Variants in PARP15 observed in about 807,000 individuals in gnomAD.
PARP15 encodes the protein protein mono-ADP-ribosyltransferase PARP15.
Under a neutral mutation model 62.1 loss-of-function variants are expected in PARP15, and 50 were observed. The observed-to-expected ratio is 0.81, with a 90% CI of 0.64 to 1.02. PARP15 has a LOEUF of 1.02. Among genes scored for constraint, PARP15 ranks in the 50% least tolerant of loss-of-function variants. PARP15 has a pLI of 0.00. For missense variants in PARP15, 820 were observed against 826.5 expected (o/e 0.99, Z 0.10); for synonymous variants, 309 against 293.1 (o/e 1.05, Z -0.55).
At chr3:122,579,999 G>GTATATATATATATATGTATATA (rs2080766891) in intron 1 of PARP15, among the ~76,000 whole-genome samples, 1 of 64,476 alleles carries the variant, frequency 1.6e-5, no homozygotes, top group Non-Finnish European at 3.3e-5. Context: ...GCAACTATAT[G>GTATATATATATATATGTATATA]TATATATATA....
chr3:122,577,871 C>G lies in PARP15; in HGVS notation c.186+18C>G, dbSNP rs1307714389. On this transcript the variant is annotated intron_variant, in intron 1 of 11. Coordinates refer to ENST00000464300, the MANE Select transcript of PARP15 (RefSeq NM_001113523.3). ...GGAGTATGGTGAGGAGCGCGGGGGA[C>G]GGGTGCGGGAAGGGGACAGCAGGGC... The G allele has an allele frequency of 1.3e-6, 2 of 1,530,074 alleles. No homozygotes were observed. The allele number at this position is 1,530,074 out of a possible 1,614,324, so 94.8% of individuals were successfully genotyped here. A position where few individuals can be genotyped will look rare whatever the true frequency, so the allele number is the denominator to read the frequency against.
In PARP15 at chr3:122,615,458, T is replaced by C. The variant is rs983865403; in HGVS notation, c.772-321T>C. On this transcript the variant is annotated intron_variant, in intron 4 of 11. Transcript: ENST00000464300. ...TATTGGATGTAGGAGATTAGAATTATGGGGCTTCAAAAGAGGAGGGATAAC... is the reference window on the plus strand; with the variant it reads ...TATTGGATGTAGGAGATTAGAATTACGGGGCTTCAAAAGAGGAGGGATAAC... The C allele has an allele frequency of 4.8e-6, 6 of 1,242,632 alleles. No homozygotes were observed. In the Admixed American group the frequency reaches 9.3e-5, roughly 19 times the overall value. 77.0% of individuals were successfully genotyped at this position (1,242,632 alleles called of 1,614,324 possible).
intron 1 of PARP15, among the ~76,000 whole-genome samples, chr3:122,589,887 ACTTT>A (rs1559928943): frequency 1.5e-5 from 2 of 130,384 alleles, no homozygotes; most frequent in Admixed American, 8.2e-5. Flanking sequence ...GTAAGGCATA[ACTTT>A]TTTTTTTTTT....
chr3:122,629,405 A>G (rs72962330), intron 9 of PARP15, among the ~76,000 whole-genome samples: 1,692 of 152,326 alleles, frequency 0.011, 24 homozygotes, highest in African/African-American at 0.038. Flanking sequence ...TGCTGGGATT[A>G]TAGGCATGAG....
At chr3:122,597,695 GAA>G (rs879790570) in intron 1 of PARP15, among the ~76,000 whole-genome samples, 2 of 152,072 alleles carry the variant, frequency 1.3e-5, no homozygotes, top group Non-Finnish European at 2.9e-5. Flanking sequence ...CGCTGCTAAG[GAA>G]TAGATGCATT....
In PARP15 at chr3:122,636,177, T is replaced by C. The variant is rs1349954977; in HGVS notation, c.*77T>C. 2.8e-6 allele frequency: 4 copies of C among 1,408,718 alleles called. No homozygotes were observed. The Admixed American group carries it at 6.9e-5, about 24-fold the overall frequency. 87.3% of individuals were successfully genotyped at this position (1,408,718 alleles called of 1,614,324 possible). On this transcript the variant is annotated 3_prime_UTR_variant, in exon 12 of 12. Coordinates refer to ENST00000464300, the MANE Select transcript of PARP15 (RefSeq NM_001113523.3). ...GCAATCTTTGTCTTTGCTTCTGGCC[T>C]GTGTAAGCAGATGAAAGTTTCCCTT...
chr3:122,595,525 GT>G (rs899321008), intron 1 of PARP15, among the ~76,000 whole-genome samples: 5 of 152,066 alleles, frequency 3.3e-5, no homozygotes, highest in African/African-American at 1.2e-4. Context: ...ATACTTTTCG[GT>G]TTTGTCCTAC....
chr3:122,618,831 G>A (rs73858324), intron 6 of PARP15, among the ~76,000 whole-genome samples: 9,729 of 152,176 alleles, frequency 0.064, 918 homozygotes, highest in African/African-American at 0.21. Flanking sequence ...GGTGCTGCCT[G>A]CTCGCCTTAC....
rs191623617 is a variant in PARP15, at chr3:122,586,320, C to T, written c.186+8467C>T. Among the ~76,000 whole-genome samples, 159 of 152,232 alleles carry T rather than the reference C, an allele frequency of 1.0e-3. 1 individual carries two copies. Among genetic ancestry groups the T allele is most frequent in the African/African-American group, 3.6e-3 (151 of 41,520 alleles). Reference sequence around the variant, plus strand: ...CTCCTGTGTTCAAGTGATCCTCCCACCTCACCCTCCTAAGTAGCTAGGACT... The same window carrying T: ...CTCCTGTGTTCAAGTGATCCTCCCATCTCACCCTCCTAAGTAGCTAGGACT... On this transcript the variant is annotated intron_variant, in intron 1 of 11. Coordinates refer to ENST00000464300, the MANE Select transcript of PARP15 (RefSeq NM_001113523.3).
chr3:122,603,050 G>A (rs1229331374), intron 1 of PARP15, among the ~76,000 whole-genome samples: 2 of 150,886 alleles, frequency 1.3e-5, no homozygotes, highest in African/African-American at 2.5e-5. Context: ...ATTTTTGGTG[G>A]TGAACACCTA....
intron 10 of PARP15, among the ~76,000 whole-genome samples, chr3:122,632,680 C>T (rs1937127095): frequency 1.3e-5 from 2 of 152,232 alleles, no homozygotes; most frequent in African/African-American, 2.4e-5. Flanking sequence ...TTCTCATTCA[C>T]AACCCATAGA....
intron 1 of PARP15, among the ~76,000 whole-genome samples, chr3:122,603,280 A>C (rs1208799694): frequency 6.6e-6 from 1 of 152,150 alleles, no homozygotes; most frequent in Admixed American, 6.5e-5. Context: ...TGTCACTGTG[A>C]GGTAACATGA....
chr3:122,628,555 A>G (rs563946631), intron 9 of PARP15, among the ~76,000 whole-genome samples: 19 of 152,334 alleles, frequency 1.2e-4, no homozygotes, highest in East Asian at 1.2e-3. Flanking sequence ...CAGTAAAGTA[A>G]AAAATAAAGC....
chr3:122,584,288 T>G (rs1283844245), intron 1 of PARP15, among the ~76,000 whole-genome samples: 1 of 152,188 alleles, frequency 6.6e-6, no homozygotes, highest in Non-Finnish European at 1.5e-5. Flanking sequence ...TTAAAATTAT[T>G]ATTATTATTT....
At chr3:122,590,380 C>T (rs1253113663) in intron 1 of PARP15, among the ~76,000 whole-genome samples, 7 of 152,090 alleles carry the variant, frequency 4.6e-5, no homozygotes, top group Non-Finnish European at 4.4e-5. Context: ...TCATGCCATT[C>T]TCCTGCCTCA....
chr3:122,627,945 G>T (rs146946940), intron 9 of PARP15, among the ~76,000 whole-genome samples: 309 of 152,326 alleles, frequency 2.0e-3, no homozygotes, highest in Middle Eastern at 3.4e-3. Context: ...GCAAAAAGCA[G>T]AATTCAATAA....
intron 5 of PARP15, among the ~76,000 whole-genome samples, 156 bp downstream of exon 5, chr3:122,616,013 CAAAG>C (rs1935942550): frequency 6.6e-6 from 1 of 152,188 alleles, no homozygotes; most frequent in South Asian, 2.1e-4. Context: ...TCTGGGCACA[CAAAG>C]AAGCAATCGC....
Position 122,613,112 on chromosome 3 carries a change from C to T in PARP15, c.615C>T (p.Pro205=). 6.4e-7 allele frequency: 1 copy of T among 1,551,774 alleles called. No individual in the cohort carries two copies. The highest frequency in any genetic ancestry group is 8.7e-7 in the Non-Finnish European group (1 of 1,146,990). Residue 205 remains proline, a synonymous_variant, in exon 4 of 12, where the codon CCC becomes CCT. Transcript: ENST00000464300. ...TATCTTTCTCATCAATCACATTTCC[C>T]ATGATTGGAACAGGAAGTTTGCAGT... ...EVLSFSSITF[P]MIGTGSLQFP...
rs770934903 is a variant in PARP15 at position 122,627,015 on chromosome 3, A to G, written c.1420A>G (p.Thr474Ala). 4.3e-6 allele frequency: 7 copies of G among 1,612,170 alleles called. No individual in the cohort carries two copies. The highest frequency in any genetic ancestry group is 1.7e-6 in the Non-Finnish European group (2 of 1,178,760). Residue 474 changes from threonine (T) to alanine (A), a missense_variant, in exon 9 of 12, where the codon ACA (threonine) becomes GCA (alanine). By Grantham distance (58) the Thr-to-Ala change is moderately conservative. Transcript: ENST00000464300. ...DLSASLNFQSTFSMTTCNLPE... is the reference protein window; with the variant it reads ...DLSASLNFQSAFSMTTCNLPE... ...CTCTGCATCACTGAACTTTCAGTCC[A>G]CATTCTCCATGACTACATGTAAGAT...
Sources: gnomAD v4.1 joint callset for allele counts (sites outside exome capture counted in the v4.1 genomes callset) on GRCh38, gnomAD v4.1.1 for gene constraint, MANE v1.5 for transcripts, NCBI Gene and HGNC (gene_info 2026-07-23, HGNC 2026-07-21) for gene names.